Variants in HSPA12A observed in about 807,000 individuals in gnomAD.
HSPA12A encodes heat shock 70 kDa protein 12A.
HSPA12A carries 28 observed loss-of-function variants against 69.2 expected under a neutral mutation model. The ratio of observed to expected loss-of-function variants is 0.40; its 90% CI spans 0.30 to 0.55. The LOEUF is 0.55. HSPA12A is among the 20% of genes least tolerant of loss of function. The probability of loss-of-function intolerance (pLI) is 0.38; values close to 1 mark genes in which losing one functional copy is unlikely to be tolerated. For missense variants in HSPA12A, 686 were observed against 900.7 expected, an observed-to-expected ratio of 0.76 and a Z score of 3.05; for synonymous variants, 345 against 370.5, an observed-to-expected ratio of 0.93 and a Z score of 0.79.
intron 6 of HSPA12A, among the ~76,000 whole-genome samples, chr10:116,688,127 T>C (rs1490129803): frequency 6.6e-6 from 1 of 152,142 alleles, no homozygotes; most frequent in East Asian, 1.9e-4. Flanking sequence ...GGTGCAGACA[T>C]GTGTAGCCTC....
upstream of HSPA12A, among the ~76,000 whole-genome samples, chr10:116,742,937 C>A (rs1292746967): frequency 2.0e-5 from 3 of 152,102 alleles, no homozygotes; most frequent in Non-Finnish European, 4.4e-5. Context: ...AGCCCTTCAG[C>A]AAGCCCAGCG....
At chr10:116,739,946 C>T (rs187676825) in intron 1 of HSPA12A, among the ~76,000 whole-genome samples, 5 of 152,118 alleles carry the variant, frequency 3.3e-5, no homozygotes, top group African/African-American at 1.2e-4. Context: ...CACCACCCCC[C>T]AACACCACCT....
intron 1 of HSPA12A, among the ~76,000 whole-genome samples, chr10:116,707,579 G>C (rs550007374): frequency 6.6e-6 from 1 of 152,224 alleles, no homozygotes; most frequent in African/African-American, 2.4e-5. Flanking sequence ...GTCAGTCCCC[G>C]AAAGCTCCGC....
intron 1 of HSPA12A, among the ~76,000 whole-genome samples, chr10:116,719,665 G>A (rs1850713969): frequency 6.6e-6 from 1 of 152,188 alleles, no homozygotes; most frequent in African/African-American, 2.4e-5. Flanking sequence ...CAGGATTAAT[G>A]AGGATTAAAT....
At chr10:116,698,603 C>T in intron 5 of HSPA12A, 32 bp downstream of exon 5, 2 of 1,568,308 alleles carry the variant, frequency 1.3e-6, no homozygotes, top group African/African-American at 2.7e-5. Context: ...CCGCCTAGCA[C>T]ACAGCTGGCT....
In HSPA12A at chr10:116,802,640, G is replaced by A. The variant is rs182901698; in HGVS notation, c.91+32295C>T. Among the ~76,000 whole-genome samples the A allele has an allele frequency of 3.5e-3, 527 of 152,318 alleles. 4 individuals carry two copies. Among genetic ancestry groups the A allele is most frequent in the African/African-American group, 0.012 (514 of 41,566 alleles). ...AATGGAGGCATGGTGGGAGACGCCA[G>A]GGTGAGTGCAAAGACTGACCAGGAA... On this transcript the variant is annotated intron_variant, in intron 2 of 12. Coordinates refer to the HSPA12A transcript ENST00000635765.
At chr10:116,745,371 A>AG (rs542577902), upstream of HSPA12A, among the ~76,000 whole-genome samples, 166 of 152,230 alleles carry the variant, frequency 1.1e-3, no homozygotes, top group African/African-American at 3.7e-3. Context: ...GACTCCTGGG[A>AG]GGTTGCTCTG....
At chr10:116,714,303 A>G (rs1850541195) in intron 1 of HSPA12A, among the ~76,000 whole-genome samples, 2 of 152,142 alleles carry the variant, frequency 1.3e-5, no homozygotes, top group South Asian at 4.2e-4. Context: ...GTGACCTCCA[A>G]CAATGTGGGA....
In HSPA12A at chr10:116,717,063, T is replaced by C. The variant is rs528828954; in HGVS notation, c.41-9778A>G. 1.2e-4 allele frequency among the ~76,000 whole-genome samples: 19 copies of C among 152,360 alleles called. 1 individual carries two copies. The highest frequency in any genetic ancestry group is 4.3e-4 in the African/African-American group (18 of 41,592). ...AGTCAGCACTCACTGCATGTGTATTTCATGCAAGCTAAGAGCCTTACAGGT... is the reference window on the plus strand; with the variant it reads ...AGTCAGCACTCACTGCATGTGTATTCCATGCAAGCTAAGAGCCTTACAGGT... On this transcript the variant is annotated intron_variant, in intron 1 of 11. Transcript: ENST00000369209.
intron 6 of HSPA12A, among the ~76,000 whole-genome samples, chr10:116,689,335 C>T (rs1554879861): frequency 6.6e-6 from 1 of 152,032 alleles, no homozygotes; most frequent in Non-Finnish European, 1.5e-5. Flanking sequence ...GACCAGTTCT[C>T]CAACTGTCCT....
intron 2 of HSPA12A, among the ~76,000 whole-genome samples, chr10:116,788,196 A>C (rs1037413748): frequency 6.6e-6 from 1 of 152,176 alleles, no homozygotes; most frequent in African/African-American, 2.4e-5. Flanking sequence ...AGACCCCCGC[A>C]AACGGCGGGA....
chr10:116,789,832 T>C (rs1446599322), intron 2 of HSPA12A, among the ~76,000 whole-genome samples: 1 of 152,172 alleles, frequency 6.6e-6, no homozygotes, highest in Non-Finnish European at 1.5e-5. Flanking sequence ...TTCATATCCC[T>C]GGAAGCTCTC....
chr10:116,831,516 G>C (rs1845614460), intron 2 of HSPA12A: 2 of 152,184 alleles, frequency 1.3e-5, no homozygotes, highest in South Asian at 4.1e-4. Context: ...AGATCTCGAA[G>C]GGCCACCAAA....
intron 2 of HSPA12A, chr10:116,750,516 A>T (rs1851751292): frequency 2.2e-6 from 1 of 444,784 alleles, no homozygotes; most frequent in African/African-American, 2.0e-5. Context: ...AATGTCGTGG[A>T]TTATACGCAT....
chr10:116,848,357 T>C (rs78873931), intron 1 of HSPA12A, among the ~76,000 whole-genome samples: 7,452 of 152,328 alleles, frequency 0.049, 247 homozygotes, highest in Non-Finnish European at 0.075. Context: ...ACTTATAGCA[T>C]CACATTTTTA....
intron 2 of HSPA12A, among the ~76,000 whole-genome samples, chr10:116,820,432 G>T (rs1845390769): frequency 6.6e-6 from 1 of 152,038 alleles, no homozygotes; most frequent in African/African-American, 2.4e-5. Flanking sequence ...AGGAAGCCAG[G>T]AGTGTTACCT....
At chr10:116,829,419 A>C (rs550491159) in intron 2 of HSPA12A, 4 of 152,472 alleles carry the variant, frequency 2.6e-5, no homozygotes, top group African/African-American at 9.6e-5. Flanking sequence ...ACAGCAAAGC[A>C]GGAAGGGGTA....
intron 1 of HSPA12A, among the ~76,000 whole-genome samples, chr10:116,726,012 G>GACACACACACACACACACACAC (rs1277422010): frequency 9.9e-5 from 7 of 70,512 alleles, no homozygotes; most frequent in African/African-American, 3.5e-4. Flanking sequence ...ACAAGGTTTA[G>GACACACACACACACACACACAC]ACACACACAC....
chr10:116,741,005 G>A (rs1851487202), intron 1 of HSPA12A, among the ~76,000 whole-genome samples: 1 of 147,902 alleles, frequency 6.8e-6, no homozygotes. Context: ...TCCAGTTGCT[G>A]AGTGATGTTC....
Sources: gnomAD v4.1 joint callset for allele counts (sites outside exome capture counted in the v4.1 genomes callset) on GRCh38, gnomAD v4.1.1 for gene constraint, MANE v1.5 for transcripts, NCBI Gene and HGNC (gene_info 2026-07-23, HGNC 2026-07-21) for gene names.